STXBP5L: variants seen among roughly 807,000 people sequenced by gnomAD.
STXBP5L encodes syntaxin-binding protein 5-like.
A neutral mutation model predicts 144.5 loss-of-function variants in STXBP5L; 65 were observed. That is an observed-to-expected ratio of 0.45 (90% CI 0.37 to 0.55). The LOEUF (loss-of-function observed/expected upper bound fraction) is 0.55. Among genes scored for constraint, STXBP5L ranks in the 20% least tolerant of loss-of-function variants. The pLI is 0.00. For missense variants in STXBP5L, 1,298 were observed against 1,405.5 expected (o/e 0.92, Z 1.22); for synonymous variants, 505 against 469.6 (o/e 1.08, Z -0.97).
chr3:120,953,247 A>C (rs549330269), intron 2 of STXBP5L, among the ~76,000 whole-genome samples: 85 of 152,114 alleles, frequency 5.6e-4, no homozygotes, highest in Admixed American at 1.8e-3. Context: ...ACTACTCATT[A>C]TAAATAAGCA....
intron 9 of STXBP5L, among the ~76,000 whole-genome samples, chr3:121,187,787 C>T (rs1370712388): frequency 6.6e-6 from 1 of 151,498 alleles, no homozygotes; most frequent in South Asian, 2.1e-4. Flanking sequence ...GTTCAGTATT[C>T]AGGAGACCCA....
At chr3:120,917,883 C>A (rs560117105) in intron 2 of STXBP5L, among the ~76,000 whole-genome samples, 1 of 152,290 alleles carries the variant, frequency 6.6e-6, no homozygotes, top group East Asian at 1.9e-4. Flanking sequence ...TGTATTGCTG[C>A]TTCAATTACC....
chr3:121,327,033 A>C (rs2044169686), intron 20 of STXBP5L, among the ~76,000 whole-genome samples: 1 of 152,102 alleles, frequency 6.6e-6, no homozygotes, highest in African/African-American at 2.4e-5. Context: ...TCAGGATTTA[A>C]CCTGTTCCTA....
chr3:121,137,344 T>C (rs1043880876), intron 7 of STXBP5L, among the ~76,000 whole-genome samples: 2 of 151,872 alleles, frequency 1.3e-5, no homozygotes, highest in African/African-American at 4.8e-5. Context: ...AAATCAGAGA[T>C]GAAAAAAAGT....
At chr3:121,094,369 G>A (rs1006790740) in intron 5 of STXBP5L, among the ~76,000 whole-genome samples, 1 of 152,012 alleles carries the variant, frequency 6.6e-6, no homozygotes, top group African/African-American at 2.4e-5. Context: ...GTTGACAGTG[G>A]GGTGTTAAAG....
chr3:121,055,213 T>C (rs555150852), intron 5 of STXBP5L, among the ~76,000 whole-genome samples: 2 of 152,296 alleles, frequency 1.3e-5, no homozygotes, highest in African/African-American at 4.8e-5. Context: ...TCATAACTTA[T>C]TGGAGGAGAT....
chr3:120,915,104 T>C (rs968756121), intron 2 of STXBP5L, among the ~76,000 whole-genome samples: 12 of 152,166 alleles, frequency 7.9e-5, no homozygotes, highest in Admixed American at 2.6e-4. Flanking sequence ...TCTTGTATAG[T>C]GTGGTGGTTC....
At chr3:121,409,514 G>A (rs187549444) in intron 23 of STXBP5L, among the ~76,000 whole-genome samples, 7 of 151,862 alleles carry the variant, frequency 4.6e-5, no homozygotes, top group Admixed American at 4.6e-4. Flanking sequence ...CAAGAATAGA[G>A]GCAGTGGTAT....
intron 9 of STXBP5L, among the ~76,000 whole-genome samples, chr3:121,182,121 C>G (rs1184535748): frequency 6.6e-6 from 1 of 152,124 alleles, no homozygotes; most frequent in African/African-American, 2.4e-5. Context: ...ATCATCAAGA[C>G]AGAAAGACAT....
At chr3:121,106,115 C>T (rs1055286662) in intron 5 of STXBP5L, among the ~76,000 whole-genome samples, 2 of 152,194 alleles carry the variant, frequency 1.3e-5, no homozygotes, top group Admixed American at 1.3e-4. Context: ...TCTCTTCCTT[C>T]TTTGGAGTCT....
intron 22 of STXBP5L, among the ~76,000 whole-genome samples, chr3:121,390,292 A>AGATGGGTCTCCTGAATACAGTACACT (rs1247220791): frequency 1.7e-4 from 26 of 152,162 alleles, no homozygotes; most frequent in African/African-American, 6.3e-4. Context: ...TTTGCATGTG[A>AGATGGGTCTCCTGAATACAGTACACT]GATGGGTCTC....
intron 5 of STXBP5L, among the ~76,000 whole-genome samples, chr3:121,105,516 A>T (rs1173698851): frequency 6.6e-6 from 1 of 152,124 alleles, no homozygotes; most frequent in Non-Finnish European, 1.5e-5. Flanking sequence ...ATGCCACCTT[A>T]CTCCTGCAAT....
chr3:121,336,919 C>T (rs921619668), intron 20 of STXBP5L, among the ~76,000 whole-genome samples: 2 of 152,096 alleles, frequency 1.3e-5, no homozygotes, highest in African/African-American at 4.8e-5. Flanking sequence ...ACCACACAGC[C>T]ATAAAAAAGA....
In STXBP5L at chr3:121,391,215, G is replaced by T. The variant is rs181217663; in HGVS notation, c.2587+9683G>T. 3.6e-3 allele frequency among the ~76,000 whole-genome samples: 552 copies of T among 152,210 alleles called. 2 individuals carry two copies. The highest frequency in any genetic ancestry group is 0.013 in the African/African-American group (527 of 41,536). On this transcript the variant is annotated intron_variant, in intron 22 of 26. Coordinates refer to ENST00000471454, the MANE Select transcript of STXBP5L (RefSeq NM_001308330.2). ...CTTGTGCATGTGTCATGAAGTTCTT[G>T]TGCCATGGTTTTAGCTCCATCAGGT...
At position 121,262,127 on chromosome 3, in the gene STXBP5L, CA is replaced by C. The variant is rs1323551385; in HGVS notation, c.1958+2961del. Among the ~76,000 whole-genome samples the C allele has an allele frequency of 2.6e-5, 4 of 152,232 alleles. No homozygotes were observed. In the East Asian group the frequency reaches 7.7e-4, roughly 29 times the overall value. Reference sequence around the variant, plus strand: ...CCTCCCAAAGACCCAGTCACCTTCCCAAGGCCCCAACTCTTAATACCATCAC... The same window carrying C: ...CCTCCCAAAGACCCAGTCACCTTCCCAGGCCCCAACTCTTAATACCATCAC... On this transcript the variant is annotated intron_variant, in intron 18 of 26. Transcript: ENST00000471454.
In STXBP5L at chr3:120,994,284, T is replaced by A. The variant is rs76247106; in HGVS notation, c.287+39247T>A. Among the ~76,000 whole-genome samples, 174 of 152,260 alleles carry A rather than the reference T, an allele frequency of 1.1e-3. 3 individuals are homozygous for A. In the East Asian group the frequency reaches 0.033, roughly 29 times the overall value. Reference sequence around the variant, plus strand: ...CTAATTTGGATGCCTTTTATTTTTTTCTCCTGCCTAATTGCTCTGGCTAGA... The same window carrying A: ...CTAATTTGGATGCCTTTTATTTTTTACTCCTGCCTAATTGCTCTGGCTAGA... On this transcript the variant is annotated intron_variant, in intron 3 of 26. Coordinates refer to ENST00000471454, the MANE Select transcript of STXBP5L (RefSeq NM_001308330.2).
intron 20 of STXBP5L, among the ~76,000 whole-genome samples, chr3:121,349,199 C>T (rs1426481123): frequency 6.6e-6 from 1 of 152,048 alleles, no homozygotes; most frequent in Non-Finnish European, 1.5e-5. Flanking sequence ...TTATTTCTGC[C>T]TTCATTTTGT....
intron 3 of STXBP5L, among the ~76,000 whole-genome samples, chr3:120,974,869 T>A (rs866622177): frequency 3.9e-5 from 6 of 152,200 alleles, no homozygotes; most frequent in Non-Finnish European, 4.4e-5. Context: ...GCGGTGTTAT[T>A]TCTGAGGGCT....
chr3:121,252,120 G>T (rs1276016306), intron 15 of STXBP5L, among the ~76,000 whole-genome samples: 1 of 152,150 alleles, frequency 6.6e-6, no homozygotes, highest in Non-Finnish European at 1.5e-5. Flanking sequence ...AGCACTTTGG[G>T]AGGCCTAAGC....
Sources: gnomAD v4.1 joint callset for allele counts (sites outside exome capture counted in the v4.1 genomes callset) on GRCh38, gnomAD v4.1.1 for gene constraint, MANE v1.5 for transcripts, NCBI Gene and HGNC (gene_info 2026-07-23, HGNC 2026-07-21) for gene names.